CSMD1: variants seen among roughly 807,000 people sequenced by gnomAD.
CSMD1 encodes the protein CUB and sushi domain-containing protein 1.
A neutral mutation model predicts 417.5 loss-of-function variants in CSMD1; 213 were observed. The observed-to-expected ratio is 0.51, with a 90% CI of 0.46 to 0.57. The LOEUF (loss-of-function observed/expected upper bound fraction) is 0.57, where lower values mean the gene tolerates loss of function less well. Among genes scored for constraint, CSMD1 ranks in the 20% least tolerant of loss-of-function variants. The pLI, the probability that CSMD1 is intolerant of heterozygous loss-of-function variation, is 0.00. For missense variants in CSMD1, 6,923 were observed against 4,529.7 expected (o/e 1.53, Z -15.17); for synonymous variants, 2,862 against 1,736.8 (o/e 1.65, Z -16.11).
At chr8:4,579,406 T>G (rs1470658987) in intron 2 of CSMD1, among the ~76,000 whole-genome samples, 1 of 152,050 alleles carries the variant, frequency 6.6e-6, no homozygotes, top group Non-Finnish European at 1.5e-5. Flanking sequence ...TCCTCCAGGC[T>G]GGTGTACAAT....
In CSMD1 at chr8:3,199,805, T is replaced by C; in HGVS notation, c.5103A>G (p.Glu1701=). 1.9e-6 allele frequency: 3 copies of C among 1,567,290 alleles called. No homozygotes were observed. The highest frequency in any genetic ancestry group is 2.6e-6 in the Non-Finnish European group (3 of 1,154,856). ...GATTTGACGTAGCCAAGGGCAATGT[T>C]TCCCCTAGAAACGAAAACAGAGACA... ...LSSLSGSHSG[E]TLPLATSNQI... Residue 1701 remains glutamate, a synonymous_variant, in exon 33 of 70, where the codon GAA becomes GAG. Transcript: ENST00000635120.
intron 1 of CSMD1, among the ~76,000 whole-genome samples, chr8:4,875,227 CA>C (rs1802973943): frequency 1.3e-5 from 2 of 151,940 alleles, no homozygotes; most frequent in South Asian, 4.1e-4. Context: ...GGAAAATAAG[CA>C]TGAGAATTAT....
At position 2,965,804 on chromosome 8, in the gene CSMD1, C is replaced by G. The variant is rs61744049; in HGVS notation, c.9251G>C (p.Arg3084Thr). 642 of 1,609,586 alleles carry G rather than the reference C, an allele frequency of 4.0e-4. 5 individuals carry two copies. In the African/African-American group the frequency reaches 7.4e-3, roughly 19 times the overall value. ...GCAGACAGGTTTGCTCGGATTCCAC[C>G]TGCCGTCTTTGGTACAGCGAATAGT... The part of the protein sequence containing the change: ...SATIRCTKDG[R>T]WNPSKPVCKA... Residue 3084 changes from arginine (R) to threonine (T), a missense_variant, in exon 59 of 70, where the codon AGG (arginine) becomes ACG (threonine). Transcript: ENST00000635120.
chr8:4,268,797 G>C (rs1804385831), intron 3 of CSMD1, among the ~76,000 whole-genome samples: 1 of 151,334 alleles, frequency 6.6e-6, no homozygotes, highest in African/African-American at 2.4e-5. Flanking sequence ...CATCACAAAG[G>C]ACATTATAAA....
At chr8:3,813,756 T>C (rs565979018) in intron 5 of CSMD1, among the ~76,000 whole-genome samples, 1 of 152,330 alleles carries the variant, frequency 6.6e-6, no homozygotes, top group Non-Finnish European at 1.5e-5. Flanking sequence ...GTATGAGGGA[T>C]CAAGAAGCAA....
intron 30 of CSMD1, 47 bp downstream of exon 30, chr8:3,214,450 T>G (rs1339616192): frequency 7.0e-7 from 1 of 1,437,200 alleles, no homozygotes; most frequent in Non-Finnish European, 9.3e-7. Context: ...GATGCTGCAT[T>G]TTAAAGGAAA....
chr8:3,258,443 A>C (rs1405389922), intron 26 of CSMD1, among the ~76,000 whole-genome samples: 1 of 152,204 alleles, frequency 6.6e-6, no homozygotes, highest in Non-Finnish European at 1.5e-5. Flanking sequence ...CCGAGATATA[A>C]AAGATGCTGG....
chr8:4,461,763 T>C (rs1316146563), intron 2 of CSMD1, among the ~76,000 whole-genome samples: 4 of 134,096 alleles, frequency 3.0e-5, no homozygotes, highest in African/African-American at 8.2e-5. Flanking sequence ...TTTTTGGAGA[T>C]GGAGTCTCGC....
chr8:4,595,323 A>C (rs990173503), intron 2 of CSMD1, among the ~76,000 whole-genome samples: 3 of 88,856 alleles, frequency 3.4e-5, no homozygotes, highest in Non-Finnish European at 8.8e-5. Flanking sequence ...TCTAAGGCAA[A>C]GGATAATCAT....
intron 3 of CSMD1, among the ~76,000 whole-genome samples, chr8:4,349,990 C>T (rs1214078342): frequency 1.3e-5 from 2 of 152,068 alleles, no homozygotes; most frequent in African/African-American, 4.8e-5. Context: ...AAAGTAATAG[C>T]TTTGGTCCCT....
intron 62 of CSMD1, among the ~76,000 whole-genome samples, chr8:2,958,765 T>C (rs977413198): frequency 2.0e-5 from 3 of 152,244 alleles, no homozygotes; most frequent in Admixed American, 1.3e-4. Context: ...CAAGTTAGCA[T>C]CCAAAGATTT....
chr8:3,754,440 AT>A (rs11295797), intron 5 of CSMD1, among the ~76,000 whole-genome samples: 6,386 of 126,234 alleles, frequency 0.051, 176 homozygotes, highest in African/African-American at 0.071. Flanking sequence ...TTCCTTATTT[AT>A]TTATTTATTT....
At chr8:4,144,450 C>G (rs977811484) in intron 3 of CSMD1, among the ~76,000 whole-genome samples, 3 of 151,198 alleles carry the variant, frequency 2.0e-5, no homozygotes, top group Admixed American at 6.6e-5. Flanking sequence ...CTAGTTTCAA[C>G]TGCTCCATGA....
intron 1 of CSMD1, among the ~76,000 whole-genome samples, chr8:4,648,746 G>A (rs990215170): frequency 3.3e-5 from 5 of 152,108 alleles, no homozygotes; most frequent in African/African-American, 1.2e-4. Context: ...AGAATTTGTG[G>A]GGATGAGGGC....
At chr8:3,705,495 T>G (rs971355875) in intron 7 of CSMD1, among the ~76,000 whole-genome samples, 1 of 152,184 alleles carries the variant, frequency 6.6e-6, no homozygotes, top group Admixed American at 6.5e-5. Flanking sequence ...GATAATTCCC[T>G]GGCCACTGCT....
intron 23 of CSMD1, among the ~76,000 whole-genome samples, chr8:3,318,028 T>A (rs1428245433): frequency 6.6e-6 from 1 of 152,186 alleles, no homozygotes; most frequent in Non-Finnish European, 1.5e-5. Flanking sequence ...CTCAAAACCC[T>A]GGGTTCAAGT....
chr8:3,185,400 C>G (rs987780455), intron 36 of CSMD1, among the ~76,000 whole-genome samples: 2 of 152,174 alleles, frequency 1.3e-5, no homozygotes, highest in Non-Finnish European at 2.9e-5. Flanking sequence ...TCCCTGCTAA[C>G]TTTGGCTAAT....
intron 3 of CSMD1, among the ~76,000 whole-genome samples, chr8:4,265,909 G>A (rs143586127): frequency 9.6e-6 from 1 of 104,066 alleles, no homozygotes; most frequent in African/African-American, 2.6e-5. Flanking sequence ...AAAATAAAAT[G>A]TGAAGAAATA....
At chr8:4,735,985 T>C (rs76465044) in intron 1 of CSMD1, among the ~76,000 whole-genome samples, 1,992 of 152,306 alleles carry the variant, frequency 0.013, 34 homozygotes, top group African/African-American at 0.033. Context: ...ACTGAGTTCA[T>C]AGCTTGATTT....
Sources: gnomAD v4.1 joint callset for allele counts (sites outside exome capture counted in the v4.1 genomes callset) on GRCh38, gnomAD v4.1.1 for gene constraint, MANE v1.5 for transcripts, NCBI Gene and HGNC (gene_info 2026-07-23, HGNC 2026-07-21) for gene names.